Variants in CPEB2 observed in about 807,000 individuals in gnomAD.
CPEB2 encodes the protein cytoplasmic polyadenylation element-binding protein 2.
A neutral mutation model predicts 93.6 loss-of-function variants in CPEB2; 56 were observed. The observed-to-expected ratio is 0.60, with a 90% CI of 0.48 to 0.75. The LOEUF (loss-of-function observed/expected upper bound fraction) is 0.75, where lower values mean the gene tolerates loss of function less well. CPEB2 is among the 30% of genes least tolerant of loss of function. The pLI, the probability that CPEB2 is intolerant of heterozygous loss-of-function variation, is 0.00. For missense variants in CPEB2, 1,579 were observed against 1,395.1 expected (o/e 1.13, Z -2.10); for synonymous variants, 764 against 586.3 (o/e 1.30, Z -4.38).
Position 15,068,041 on chromosome 4 carries a change from T to G in CPEB2, c.*1661T>G, listed in dbSNP as rs1029032156. On this transcript the variant is annotated 3_prime_UTR_variant, in exon 12 of 12. Transcript: ENST00000538197. ...AATGCAACTAGCCCCTATATTTTAATGTAAGAGTTACTCTGCAATCTAAGC... is the reference window on the plus strand; with the variant it reads ...AATGCAACTAGCCCCTATATTTTAAGGTAAGAGTTACTCTGCAATCTAAGC... The G allele has an allele frequency of 2.6e-5, 4 of 152,352 alleles. No individual in the cohort carries two copies. Among genetic ancestry groups the G allele is most frequent in the Admixed American group, 6.6e-5 (1 of 15,234 alleles). The allele number at this position is 152,352 out of a possible 1,614,324, so 9.4% of individuals were successfully genotyped here. A position where few individuals can be genotyped will look rare whatever the true frequency, so the allele number is the denominator to read the frequency against.
intron 5 of CPEB2, among the ~76,000 whole-genome samples, chr4:15,038,530 G>T (rs1349940500): frequency 6.6e-6 from 1 of 151,788 alleles, no homozygotes; most frequent in African/African-American, 2.4e-5. Context: ...AGTGTTTTGG[G>T]GACTGTTGAC....
intron 6 of CPEB2, among the ~76,000 whole-genome samples, chr4:15,044,987 A>G (rs538597941): frequency 8.8e-4 from 134 of 152,318 alleles, no homozygotes; most frequent in Non-Finnish European, 1.5e-3. Context: ...AATGTAAGCT[A>G]TTATACTTGC....
intron 4 of CPEB2, among the ~76,000 whole-genome samples, chr4:15,019,130 A>T (rs1724533505): frequency 1.3e-5 from 2 of 151,362 alleles, no homozygotes; most frequent in African/African-American, 4.8e-5. Flanking sequence ...CTTCATATTT[A>T]CACAAAACGT....
intron 6 of CPEB2, among the ~76,000 whole-genome samples, chr4:15,049,465 G>T (rs1032437367): frequency 1.3e-5 from 2 of 151,842 alleles, no homozygotes; most frequent in African/African-American, 4.8e-5. Context: ...CCTTAAAATC[G>T]TTTGTATGTA....
At chr4:15,016,013 C>A (rs994510979) in intron 3 of CPEB2, among the ~76,000 whole-genome samples, 7 of 151,932 alleles carry the variant, frequency 4.6e-5, no homozygotes, top group Non-Finnish European at 7.4e-5. Flanking sequence ...CTACTGTACA[C>A]CTATGAACAG....
At chr4:15,019,732 G>A (rs1215989631) in intron 4 of CPEB2, among the ~76,000 whole-genome samples, 1 of 152,106 alleles carries the variant, frequency 6.6e-6, no homozygotes, top group Non-Finnish European at 1.5e-5. Flanking sequence ...GGAGAAGGGA[G>A]TTGGAGGGTA....
At chr4:15,006,956 GTATGT>G (rs758631156) in intron 1 of CPEB2, among the ~76,000 whole-genome samples, 11 of 152,054 alleles carry the variant, frequency 7.2e-5, no homozygotes, top group Non-Finnish European at 1.3e-4. Flanking sequence ...AGATCACCAT[GTATGT>G]TATATCTTTA....
intron 6 of CPEB2, among the ~76,000 whole-genome samples, chr4:15,049,500 A>G (rs1356743989): frequency 1.3e-5 from 2 of 152,098 alleles, no homozygotes; most frequent in Non-Finnish European, 2.9e-5. Context: ...TTCCTTTTAA[A>G]GTAGAGAATT....
At chr4:15,018,969 T>TATATATATATATATATATATATAC (rs1479960595) in intron 4 of CPEB2, among the ~76,000 whole-genome samples, 4 of 139,192 alleles carry the variant, frequency 2.9e-5, no homozygotes, top group Non-Finnish European at 3.1e-5. Context: ...TATATATATA[T>TATATATATATATATATATATATAC]ACACACGCAC....
chr4:15,061,741 G>A (rs1211883308), intron 10 of CPEB2, among the ~76,000 whole-genome samples: 1 of 146,600 alleles, frequency 6.8e-6, no homozygotes, highest in Admixed American at 6.9e-5. Context: ...GAGAATTGCT[G>A]AAGCAGTGTC....
chr4:15,049,012 T>G (rs1560246208), intron 6 of CPEB2, among the ~76,000 whole-genome samples: 1 of 152,016 alleles, frequency 6.6e-6, no homozygotes, highest in Non-Finnish European at 1.5e-5. Context: ...TTTTATGGCT[T>G]CTTGAAAAAA....
chr4:15,033,261 G>GT, intron 5 of CPEB2, 50 bp downstream of exon 5: 1 of 1,141,706 alleles, frequency 8.8e-7, no homozygotes, highest in Non-Finnish European at 1.3e-6. Context: ...ATGTAAAGAT[G>GT]ATTTAATACA....
chr4:15,016,326 A>G (rs2108985233), intron 3 of CPEB2, among the ~76,000 whole-genome samples: 1 of 152,200 alleles, frequency 6.6e-6, no homozygotes, highest in African/African-American at 2.4e-5. Flanking sequence ...AGTTCACCAC[A>G]TACCTTTTTT....
At chr4:15,008,744 A>T (rs1347834638) in intron 3 of CPEB2, among the ~76,000 whole-genome samples, 1 of 152,224 alleles carries the variant, frequency 6.6e-6, no homozygotes, top group African/African-American at 2.4e-5. Flanking sequence ...TCAGAATTAA[A>T]TGCAATTAGG....
rs771434841 is a variant in CPEB2 at position 15,062,187 on chromosome 4, C to T, written c.2804C>T (p.Ser935Phe). 2 of 1,613,028 alleles carry T rather than the reference C, an allele frequency of 1.2e-6. No individual in the cohort carries two copies. The change falls in exon 11 of 12, where the codon TCC (serine) becomes TTC (phenylalanine). Residue 935 changes from serine (S) to phenylalanine (F), a missense_variant. Transcript: ENST00000538197. ...AAAGGTGCTGGGCGAGTTGCTTTCT[C>T]CAATCAGCAGAGCTATATTGCTGCC... ...YPKGAGRVAF[S>F]NQQSYIAAIS...
chr4:15,029,394 G>T (rs569100079), intron 4 of CPEB2, among the ~76,000 whole-genome samples: 7 of 151,810 alleles, frequency 4.6e-5, no homozygotes, highest in South Asian at 2.1e-4. Flanking sequence ...TTTAAGATAC[G>T]ATAGATCCTC....
chr4:15,057,856 G>T (rs1728856253), intron 8 of CPEB2, among the ~76,000 whole-genome samples: 1 of 152,110 alleles, frequency 6.6e-6, no homozygotes, highest in Non-Finnish European at 1.5e-5. Flanking sequence ...AAGTTTTCAT[G>T]AGACTGTGGA....
chr4:15,004,053 C>A lies in CPEB2; in HGVS notation c.1380C>A (p.Ala460=), dbSNP rs762864414. ...GGCTGCCGTCGTCCATGAACCCGGC[C>A]TTCTTCCCTAGCTTCTCGCCCGTGT... ...YPGLPSSMNP[A]FFPSFSPVSP... Residue 460 remains alanine (A), a synonymous_variant, in exon 1 of 12, where the codon GCC becomes GCA. Transcript: ENST00000538197. The A allele has an allele frequency of 1.3e-6, 2 of 1,567,074 alleles. No individual in the cohort carries two copies. The highest frequency in any genetic ancestry group is 1.7e-6 in the Non-Finnish European group (2 of 1,159,464).
At chr4:15,036,894 C>T (rs1474923955) in intron 5 of CPEB2, among the ~76,000 whole-genome samples, 1 of 152,140 alleles carries the variant, frequency 6.6e-6, no homozygotes, top group African/African-American at 2.4e-5. Flanking sequence ...GATGCTCTAA[C>T]TTGTATCTAT....
Sources: gnomAD v4.1 joint callset for allele counts (sites outside exome capture counted in the v4.1 genomes callset) on GRCh38, gnomAD v4.1.1 for gene constraint, MANE v1.5 for transcripts, NCBI Gene and HGNC (gene_info 2026-07-23, HGNC 2026-07-21) for gene names.